DPF3: variants seen among roughly 807,000 people sequenced by gnomAD.
DPF3 encodes the protein zinc finger protein DPF3.
A neutral mutation model predicts 56.8 loss-of-function variants in DPF3; 18 were observed. The observed-to-expected ratio is 0.32, with a 90% CI of 0.22 to 0.47. The LOEUF is 0.47. Ranked by LOEUF, DPF3 falls within the 20% of genes least tolerant of loss-of-function variation. The pLI is 1.00. For missense variants in DPF3, 403 were observed against 488.8 expected (o/e 0.82, Z 1.65); for synonymous variants, 188 against 180.2 (o/e 1.04, Z -0.35).
At chr14:72,689,704 A>G (rs1400655694) in intron 7 of DPF3, among the ~76,000 whole-genome samples, 1 of 152,136 alleles carries the variant, frequency 6.6e-6, no homozygotes, top group African/African-American at 2.4e-5. Context: ...GGAATGTGGG[A>G]GGGAGCAGAG....
chr14:72,768,899 T>C (rs1298784850), intron 2 of DPF3, among the ~76,000 whole-genome samples: 4 of 151,376 alleles, frequency 2.6e-5, no homozygotes, highest in Non-Finnish European at 4.4e-5. Flanking sequence ...TTGTTAATAG[T>C]CATATTGTTT....
At chr14:72,886,736 A>G (rs1886562353) in intron 1 of DPF3, among the ~76,000 whole-genome samples, 2 of 152,036 alleles carry the variant, frequency 1.3e-5, no homozygotes, top group South Asian at 4.2e-4. Flanking sequence ...TTATGCTTGC[A>G]AAAAAACTGC....
At position 72,610,482 on chromosome 14, in the gene DPF3, AG is replaced by A; in HGVS notation, c.*8814del. Among the ~76,000 whole-genome samples, 1 of 152,376 alleles carries A rather than the reference AG, an allele frequency of 6.6e-6. No individual in the cohort carries two copies. The highest frequency in any genetic ancestry group is 2.1e-4 in the South Asian group (1 of 4,828). ...CAGAGGGGCTTCAGCAATGAGAAGA[AG>A]AAAACCAATTTCTTTTGGCTTCTTA... is the stretch of plus-strand genomic sequence containing the variant. On this transcript the variant is annotated 3_prime_UTR_variant, in exon 11 of 11. Transcript: ENST00000556509.
In DPF3 at chr14:72,611,255, G is replaced by T. The variant is rs1883705740; in HGVS notation, c.*8042C>A. Among the ~76,000 whole-genome samples the T allele has an allele frequency of 6.6e-6, 1 of 152,238 alleles. No individual in the cohort carries two copies. The highest frequency in any genetic ancestry group is 2.1e-4 in the South Asian group (1 of 4,836). ...AATAACTCAAAGCTGAAATCTGGCT[G>T]TGACACGTGTGGAGAAAAGGAAAGA... On this transcript the variant is annotated 3_prime_UTR_variant, in exon 11 of 11. Coordinates refer to ENST00000556509, the MANE Select transcript of DPF3 (RefSeq NM_001280542.3).
intron 2 of DPF3, among the ~76,000 whole-genome samples, chr14:72,765,670 G>A (rs998899061): frequency 5.9e-5 from 9 of 152,232 alleles, no homozygotes; most frequent in East Asian, 1.9e-4. Context: ...TACACAGGCC[G>A]GGTGCGGTGG....
intron 2 of DPF3, among the ~76,000 whole-genome samples, chr14:72,754,031 G>A (rs986538366): frequency 6.6e-6 from 1 of 152,036 alleles, no homozygotes; most frequent in East Asian, 1.9e-4. Context: ...AAATAGGCAG[G>A]AGGCCAGGGG....
chr14:72,698,847 G>T (rs1042772304), intron 6 of DPF3, among the ~76,000 whole-genome samples: 21 of 142,986 alleles, frequency 1.5e-4, no homozygotes, highest in African/African-American at 5.6e-4. Flanking sequence ...TCTCCCACTG[G>T]CAGCAAGCAT....
intron 6 of DPF3, among the ~76,000 whole-genome samples, chr14:72,707,677 C>T (rs77305276): frequency 0.019 from 2,902 of 150,146 alleles, 34 homozygotes; most frequent in Middle Eastern, 0.056. Context: ...CTTCTGTGTG[C>T]GTGTGTGTGT....
intron 8 of DPF3, among the ~76,000 whole-genome samples, chr14:72,634,254 C>T (rs1022961519): frequency 2.6e-5 from 4 of 152,176 alleles, no homozygotes; most frequent in Non-Finnish European, 5.9e-5. Flanking sequence ...AAAAACTGTG[C>T]CCAGAACTAA....
intron 1 of DPF3, among the ~76,000 whole-genome samples, chr14:72,839,886 C>T (rs1884476886): frequency 6.6e-6 from 1 of 152,168 alleles, no homozygotes. Context: ...GTGCTCACTC[C>T]ACTGAGGGCA....
chr14:72,670,614 C>T, intron 8 of DPF3: 8 of 985,962 alleles, frequency 8.1e-6, no homozygotes, highest in South Asian at 9.3e-5. Flanking sequence ...CAGGATATTG[C>T]TTCGATTTCT....
intron 7 of DPF3, among the ~76,000 whole-genome samples, chr14:72,685,001 GGA>G (rs1189105689): frequency 6.6e-6 from 1 of 152,148 alleles, no homozygotes; most frequent in Non-Finnish European, 1.5e-5. Flanking sequence ...TGCAATCCAA[GGA>G]GAGAGCCCTC....
intron 5 of DPF3, among the ~76,000 whole-genome samples, chr14:72,722,200 C>G (rs192095155): frequency 6.6e-6 from 1 of 152,146 alleles, no homozygotes; most frequent in African/African-American, 2.4e-5. Flanking sequence ...AAAAATCAAA[C>G]AAACACAAAT....
In DPF3 at chr14:72,707,946, A is replaced by G. The variant is rs575733305; in HGVS notation, c.604+6477T>C. On this transcript the variant is annotated intron_variant, in intron 6 of 10. Coordinates refer to ENST00000556509, the MANE Select transcript of DPF3 (RefSeq NM_001280542.3). Reference sequence around the variant, plus strand: ...TCTGCAATGAACAAATACTATTTCCATAGAAAAAGTTATTTTAAAAAAATA... The same window carrying G: ...TCTGCAATGAACAAATACTATTTCCGTAGAAAAAGTTATTTTAAAAAAATA... Among the ~76,000 whole-genome samples the G allele has an allele frequency of 5.9e-5, 9 of 152,162 alleles. No individual in the cohort carries two copies. In the South Asian group the frequency reaches 1.9e-3, roughly 32 times the overall value.
At chr14:72,703,758 A>T (rs1415191710) in intron 6 of DPF3, among the ~76,000 whole-genome samples, 1 of 152,160 alleles carries the variant, frequency 6.6e-6, no homozygotes, top group African/African-American at 2.4e-5. Flanking sequence ...TCATCTTCTT[A>T]CAATGCTCAG....
intron 1 of DPF3, among the ~76,000 whole-genome samples, chr14:72,792,229 C>T (rs549873726): frequency 2.6e-5 from 4 of 152,054 alleles, no homozygotes; most frequent in Admixed American, 6.5e-5. Flanking sequence ...AGGACTGTCA[C>T]GAGGAGACTC....
rs1044491690 is a variant in DPF3 at position 72,609,232 on chromosome 14, C to A, written c.*10065G>T. On this transcript the variant is annotated 3_prime_UTR_variant, in exon 11 of 11. Transcript: ENST00000556509. ...CGAGGGGTCCCAAAGAAGAAGGCTG[C>A]TCGATCCCCACATTCTTCATCTCAT... Among the ~76,000 whole-genome samples the A allele has an allele frequency of 2.6e-5, 4 of 152,150 alleles. No individual in the cohort carries two copies. Among genetic ancestry groups the A allele is most frequent in the East Asian group, 1.9e-4 (1 of 5,196 alleles).
At chr14:72,702,439 C>T (rs1888211935) in intron 6 of DPF3, among the ~76,000 whole-genome samples, 1 of 152,100 alleles carries the variant, frequency 6.6e-6, no homozygotes, top group Admixed American at 6.5e-5. Flanking sequence ...TCCCGCTCTC[C>T]CTGTCAGCAC....
intron 1 of DPF3, among the ~76,000 whole-genome samples, chr14:72,794,260 C>T (rs2139988721): frequency 6.6e-6 from 1 of 152,292 alleles, no homozygotes; most frequent in East Asian, 1.9e-4. Flanking sequence ...GTGGTTATTA[C>T]CACAATGTGG....
Sources: allele counts gnomAD v4.1 joint callset (sites outside exome capture counted in the v4.1 genomes callset), GRCh38; gene constraint gnomAD v4.1.1; transcripts MANE v1.5; gene names NCBI Gene and HGNC (gene_info 2026-07-23, HGNC 2026-07-21).